Variants in KIAA1217 observed in about 807,000 individuals in gnomAD.
KIAA1217 encodes KIAA1217, also known as sickle tail protein homolog.
KIAA1217 carries 88 observed loss-of-function variants against 163.9 expected under a neutral mutation model. The ratio of observed to expected loss-of-function variants is 0.54; its 90% CI spans 0.45 to 0.64. The LOEUF is 0.64. Ranked by LOEUF, KIAA1217 falls within the 30% of genes least tolerant of loss-of-function variation. KIAA1217 has a pLI of 0.00. For missense variants in KIAA1217, 2,372 were observed against 2,475.0 expected (o/e 0.96, Z 0.88); for synonymous variants, 903 against 923.1 (o/e 0.98, Z 0.39).
intron 3 of KIAA1217, among the ~76,000 whole-genome samples, chr10:24,392,269 T>C (rs1473801506): frequency 6.6e-6 from 1 of 152,204 alleles, no homozygotes; most frequent in African/African-American, 2.4e-5. Flanking sequence ...TAAGGCATTA[T>C]CTTCCAACAA....
At chr10:24,226,435 G>A (rs2070548827) in intron 2 of KIAA1217, among the ~76,000 whole-genome samples, 1 of 151,752 alleles carries the variant, frequency 6.6e-6, no homozygotes, top group African/African-American at 2.4e-5. Context: ...GACCATCCTG[G>A]CTAACACGGT....
At chr10:24,516,410 A>T (rs1452272515) in intron 10 of KIAA1217, among the ~76,000 whole-genome samples, 1 of 152,240 alleles carries the variant, frequency 6.6e-6, no homozygotes, top group Non-Finnish European at 1.5e-5. Flanking sequence ...AGATTGGAAG[A>T]TTCTGTAAGA....
intron 2 of KIAA1217, among the ~76,000 whole-genome samples, chr10:24,037,900 C>T (rs1232432486): frequency 6.6e-6 from 1 of 152,066 alleles, no homozygotes; most frequent in East Asian, 1.9e-4. Context: ...ATTTCTTTTC[C>T]TCCAGACTCT....
At chr10:24,336,600 A>T (rs2046382749) in intron 2 of KIAA1217, among the ~76,000 whole-genome samples, 1 of 152,186 alleles carries the variant, frequency 6.6e-6, no homozygotes, top group Non-Finnish European at 1.5e-5. Flanking sequence ...TGTGTTTATT[A>T]TCCCAGAACC....
chr10:24,453,188 C>T (rs2061515634), intron 5 of KIAA1217, among the ~76,000 whole-genome samples: 1 of 152,194 alleles, frequency 6.6e-6, no homozygotes, highest in Non-Finnish European at 1.5e-5. Context: ...TCAGCCTGTT[C>T]TCTGCTTTTG....
chr10:24,308,841 G>A lies in KIAA1217; in HGVS notation c.355-72028G>A, dbSNP rs144923318. On this transcript the variant is annotated intron_variant, in intron 2 of 20. Transcript: ENST00000376454. Reference sequence around the variant, plus strand: ...GAATGAATGAATGAATGGCATTGGTGGCTGGGCACAGTGGCTCATGCCTCT... The same window carrying A: ...GAATGAATGAATGAATGGCATTGGTAGCTGGGCACAGTGGCTCATGCCTCT... Among the ~76,000 whole-genome samples the A allele has an allele frequency of 7.3e-3, 1,105 of 152,214 alleles. 28 individuals are homozygous for A. The highest frequency in any genetic ancestry group is 6.4e-3 in the Non-Finnish European group (432 of 68,024).
intron 2 of KIAA1217, among the ~76,000 whole-genome samples, chr10:24,279,247 TTG>T (rs1399184267): frequency 8.5e-6 from 1 of 117,752 alleles, no homozygotes; most frequent in Non-Finnish European, 1.7e-5. Flanking sequence ...GTTTTTTTTT[TTG>T]TTGGTGGTGG....
chr10:24,309,936 T>A lies in KIAA1217; in HGVS notation c.355-70933T>A, dbSNP rs1007198384. 1.3e-4 allele frequency among the ~76,000 whole-genome samples: 20 copies of A among 152,314 alleles called. 1 individual carries two copies. The highest frequency in any genetic ancestry group is 9.8e-4 in the Admixed American group (15 of 15,298). ...TTATGAGCAGTGCAATAATTGTTAT[T>A]TGCACCTGTAAAATGTGAATAACTG... On this transcript the variant is annotated intron_variant, in intron 2 of 20. Coordinates refer to ENST00000376454, the MANE Select transcript of KIAA1217 (RefSeq NM_019590.5).
intron 1 of KIAA1217, among the ~76,000 whole-genome samples, chr10:23,992,931 A>G (rs529981138): frequency 4.0e-5 from 6 of 151,554 alleles, no homozygotes; most frequent in African/African-American, 7.3e-5. Context: ...AATAAGTGAT[A>G]CCACCGCCAG....
chr10:24,415,061 A>T (rs2058114086), intron 3 of KIAA1217, among the ~76,000 whole-genome samples: 1 of 150,518 alleles, frequency 6.6e-6, no homozygotes, highest in Non-Finnish European at 1.5e-5. Context: ...AAGTCCCTGC[A>T]TGGTTGGAGG....
chr10:24,025,495 G>T (rs1433211456), intron 2 of KIAA1217, among the ~76,000 whole-genome samples: 1 of 151,504 alleles, frequency 6.6e-6, no homozygotes, highest in South Asian at 2.1e-4. Flanking sequence ...GCTATTTGAG[G>T]TCTTTACATT....
At chr10:23,709,598 A>G (rs1564356759) in intron 1 of KIAA1217, among the ~76,000 whole-genome samples, 1 of 152,128 alleles carries the variant, frequency 6.6e-6, no homozygotes. Flanking sequence ...TTCTTTCCTA[A>G]TGGAAAAATG....
intron 17 of KIAA1217, among the ~76,000 whole-genome samples, chr10:24,541,836 G>A (rs943990527): frequency 4.6e-5 from 7 of 152,188 alleles, no homozygotes; most frequent in Non-Finnish European, 8.8e-5. Flanking sequence ...GAGTCGTGAC[G>A]TCACCGTCAC....
chr10:23,942,033 C>T (rs1358645401), intron 1 of KIAA1217, among the ~76,000 whole-genome samples: 5 of 152,144 alleles, frequency 3.3e-5, no homozygotes, highest in Admixed American at 3.3e-4. Context: ...AATCCAAAGC[C>T]TCTACAATAT....
At chr10:24,335,649 G>A (rs892431838) in intron 2 of KIAA1217, among the ~76,000 whole-genome samples, 34 of 139,774 alleles carry the variant, frequency 2.4e-4, no homozygotes, top group African/African-American at 3.3e-4. Flanking sequence ...TCGTTCTGTC[G>A]CCCAGGCTGG....
At chr10:23,818,679 C>T (rs528234984) in intron 1 of KIAA1217, among the ~76,000 whole-genome samples, 3 of 152,196 alleles carry the variant, frequency 2.0e-5, no homozygotes, top group Admixed American at 2.0e-4. Flanking sequence ...GCACAGGCGA[C>T]CAGAATCAGC....
At chr10:24,290,960 C>T (rs1446636512) in intron 2 of KIAA1217, among the ~76,000 whole-genome samples, 1 of 152,106 alleles carries the variant, frequency 6.6e-6, no homozygotes, top group Admixed American at 6.5e-5. Context: ...AAAATACATC[C>T]AGTGGGAATG....
chr10:23,760,960 T>C (rs981140637), intron 1 of KIAA1217, among the ~76,000 whole-genome samples: 2 of 152,120 alleles, frequency 1.3e-5, no homozygotes, highest in African/African-American at 4.8e-5. Flanking sequence ...GTAAATGTAA[T>C]TGGACAATAG....
intron 2 of KIAA1217, among the ~76,000 whole-genome samples, chr10:24,310,294 A>C (rs2042536195): frequency 6.6e-6 from 1 of 152,186 alleles, no homozygotes; most frequent in South Asian, 2.1e-4. Flanking sequence ...TTTCATCTTC[A>C]CAACAACTCG....
Sources: allele counts gnomAD v4.1 joint callset (sites outside exome capture counted in the v4.1 genomes callset), GRCh38; gene constraint gnomAD v4.1.1; transcripts MANE v1.5; gene names NCBI Gene and HGNC (gene_info 2026-07-23, HGNC 2026-07-21).